Variants in HS3ST3B1 observed in about 807,000 individuals in gnomAD.
HS3ST3B1 encodes the protein heparan sulfate glucosamine 3-O-sulfotransferase 3B1.
In HS3ST3B1, 13 loss-of-function variants were observed where a neutral mutation model predicts 21.3. That is an observed-to-expected ratio of 0.61 (90% CI 0.40 to 0.97). The LOEUF is 0.97. Ranked by LOEUF, HS3ST3B1 falls within the 50% of genes least tolerant of loss-of-function variation. The pLI is 0.00. For synonymous variants in HS3ST3B1, 234 were observed against 254.8 expected, an observed-to-expected ratio of 0.92 and a Z score of 0.78; for missense variants, 459 against 554.8, an observed-to-expected ratio of 0.83 and a Z score of 1.73.
chr17:14,315,892 G>T (rs1184493317), intron 1 of HS3ST3B1, among the ~76,000 whole-genome samples: 1 of 151,730 alleles, frequency 6.6e-6, no homozygotes, highest in African/African-American at 2.4e-5. Context: ...GAGGCCCTGA[G>T]AAATACTGTA....
intron 1 of HS3ST3B1, among the ~76,000 whole-genome samples, chr17:14,338,862 G>C (rs1348308348): frequency 4.6e-5 from 7 of 152,268 alleles, no homozygotes; most frequent in African/African-American, 1.7e-4. Context: ...GGTGGTCCTG[G>C]AAGTTCATTG....
intron 1 of HS3ST3B1, among the ~76,000 whole-genome samples, chr17:14,329,747 A>C (rs1224405989): frequency 6.6e-6 from 1 of 152,192 alleles, no homozygotes; most frequent in East Asian, 1.9e-4. Flanking sequence ...TTCATAGCAC[A>C]AGGGAAAAAT....
chr17:14,301,610 G>A lies in HS3ST3B1; in HGVS notation c.92G>A (p.Arg31Lys), dbSNP rs1485317771. Reference sequence around the variant, plus strand: ...CCGCCGCCCCCGCCGCCGGTGAGGAGGAAGCTCGCGCTGCTCTTCGCCATG... The same window carrying A: ...CCGCCGCCCCCGCCGCCGGTGAGGAAGAAGCTCGCGCTGCTCTTCGCCATG... Reference protein sequence around the residue: ...QPPPPPPPVRRKLALLFAMLC... With the variant: ...QPPPPPPPVRKKLALLFAMLC... Residue 31 changes from arginine to lysine, a missense_variant, in exon 1 of 2, where the codon AGG becomes AAG. Physicochemically the swap from Arg to Lys is conservative, Grantham distance 26. Transcript: ENST00000360954. The A allele has an allele frequency of 6.2e-7, 1 of 1,605,776 alleles. No individual in the cohort carries two copies. The highest frequency in any genetic ancestry group is 1.1e-5 in the South Asian group (1 of 90,738).
chr17:14,337,893 T>G (rs1436814265), intron 1 of HS3ST3B1, among the ~76,000 whole-genome samples: 1 of 151,658 alleles, frequency 6.6e-6, no homozygotes, highest in Non-Finnish European at 1.5e-5. Context: ...CACATGAATA[T>G]CAGCAGAATA....
intron 1 of HS3ST3B1, among the ~76,000 whole-genome samples, chr17:14,313,201 C>T (rs540668674): frequency 6.7e-6 from 1 of 150,006 alleles, no homozygotes; most frequent in African/African-American, 2.5e-5. Context: ...AACTCCTGAC[C>T]TTGTGATCCA....
intron 1 of HS3ST3B1, among the ~76,000 whole-genome samples, chr17:14,311,848 T>C (rs548549857): frequency 1.3e-5 from 2 of 152,270 alleles, no homozygotes; most frequent in East Asian, 3.9e-4. Context: ...GGCCTCCTCT[T>C]CCTTGAAGCA....
chr17:14,315,494 A>T (rs963974750), intron 1 of HS3ST3B1, among the ~76,000 whole-genome samples: 3 of 152,160 alleles, frequency 2.0e-5, no homozygotes, highest in Non-Finnish European at 2.9e-5. Flanking sequence ...TGCAGACCAC[A>T]CTTTGAGATG....
At chr17:14,344,927 C>T (rs1441571877) in intron 1 of HS3ST3B1, 101 bp from the exon 2 acceptor site, 1 of 1,470,898 alleles carries the variant, frequency 6.8e-7, no homozygotes, top group Admixed American at 2.5e-5. Context: ...ACCACTGCTT[C>T]CAGAAATAAG....
intron 1 of HS3ST3B1, among the ~76,000 whole-genome samples, chr17:14,320,529 G>C (rs1349518789): frequency 6.6e-6 from 1 of 152,148 alleles, no homozygotes. Flanking sequence ...AACTAGTACA[G>C]GTTATCCTGT....
chr17:14,315,704 C>T (rs567263766), intron 1 of HS3ST3B1, among the ~76,000 whole-genome samples: 19 of 152,008 alleles, frequency 1.2e-4, no homozygotes, highest in African/African-American at 3.9e-4. Flanking sequence ...GCCTCTAATC[C>T]CAGCTACTCA....
At chr17:14,342,857 AT>A (rs1402045025) in intron 1 of HS3ST3B1, among the ~76,000 whole-genome samples, 1 of 152,160 alleles carries the variant, frequency 6.6e-6, no homozygotes, top group African/African-American at 2.4e-5. Context: ...ATTTCATTTA[AT>A]TTTTTTCCTT....
intron 1 of HS3ST3B1, among the ~76,000 whole-genome samples, chr17:14,312,515 A>T (rs1056310317): frequency 3.3e-5 from 5 of 151,702 alleles, no homozygotes; most frequent in Admixed American, 2.6e-4. Flanking sequence ...CACTCCCCAC[A>T]CTTGTTCCTA....
At chr17:14,318,893 C>A (rs1783444004) in intron 1 of HS3ST3B1, among the ~76,000 whole-genome samples, 1 of 152,230 alleles carries the variant, frequency 6.6e-6, no homozygotes, top group African/African-American at 2.4e-5. Flanking sequence ...AGCAGATGTA[C>A]TGGCTTCCTC....
chr17:14,315,840 T>TTAGC (rs1909480785), intron 1 of HS3ST3B1, among the ~76,000 whole-genome samples: 2 of 150,262 alleles, frequency 1.3e-5, no homozygotes. Flanking sequence ...AAAAAATTAA[T>TTAGC]AGGTAGAGGG....
chr17:14,307,554 A>C (rs1455899027), intron 1 of HS3ST3B1, among the ~76,000 whole-genome samples: 3 of 152,208 alleles, frequency 2.0e-5, no homozygotes, highest in Non-Finnish European at 4.4e-5. Flanking sequence ...TCCTTGAATC[A>C]CTAAAATTAT....
intron 1 of HS3ST3B1, among the ~76,000 whole-genome samples, chr17:14,317,731 A>G (rs1265494917): frequency 1.3e-5 from 2 of 152,128 alleles, no homozygotes; most frequent in Non-Finnish European, 1.5e-5. Context: ...GCTGGCTCAG[A>G]GGTGGAGAGG....
At chr17:14,329,711 G>C (rs1436947829) in intron 1 of HS3ST3B1, among the ~76,000 whole-genome samples, 3 of 152,208 alleles carry the variant, frequency 2.0e-5, no homozygotes, top group Non-Finnish European at 4.4e-5. Flanking sequence ...GGGGCACTAA[G>C]AAGGAGGGCA....
chr17:14,345,634 T>C lies in HS3ST3B1; in HGVS notation c.1161T>C (p.Phe387=). The change falls in exon 2 of 2, where the codon TTT becomes TTC. Residue 387 remains phenylalanine (F), a synonymous_variant. Coordinates refer to ENST00000360954, the MANE Select transcript of HS3ST3B1 (RefSeq NM_006041.3). ...TCTACCAGATGACCGGGCACGACTT[T>C]GGCTGGGATTGAGCAGACCCGGGCT... ...LKFYQMTGHD[F]GWD The C allele has an allele frequency of 6.2e-7, 1 of 1,613,842 alleles. No homozygotes were observed. The highest frequency in any genetic ancestry group is 1.3e-5 in the African/African-American group (1 of 75,072).
intron 1 of HS3ST3B1, 36 bp downstream of exon 1, chr17:14,302,108 C>G (rs1298608214): frequency 2.6e-6 from 4 of 1,556,458 alleles, no homozygotes; most frequent in Admixed American, 1.9e-5. Context: ...TCTCCATCGT[C>G]GATTCAGACC....
Sources: allele counts gnomAD v4.1 joint callset (sites outside exome capture counted in the v4.1 genomes callset), GRCh38; gene constraint gnomAD v4.1.1; transcripts MANE v1.5; gene names NCBI Gene and HGNC (gene_info 2026-07-23, HGNC 2026-07-21).